SAP30BP: variants seen among roughly 807,000 people sequenced by gnomAD.
The protein encoded by SAP30BP is SAP30 binding protein.
Under a neutral mutation model 46.3 loss-of-function variants are expected in SAP30BP, and 31 were observed. The ratio of observed to expected loss-of-function variants is 0.67; its 90% CI spans 0.50 to 0.90. The LOEUF (loss-of-function observed/expected upper bound fraction) is 0.90, where lower values mean the gene tolerates loss of function less well. SAP30BP is among the 40% of genes least tolerant of loss of function. The probability of loss-of-function intolerance (pLI) is 0.00; values close to 1 mark genes in which losing one functional copy is unlikely to be tolerated. For missense variants in SAP30BP, 312 were observed against 391.0 expected, an observed-to-expected ratio of 0.80 and a Z score of 1.70; for synonymous variants, 169 against 144.2, an observed-to-expected ratio of 1.17 and a Z score of -1.23.
At chr17:75,696,709 T>A (rs2060325348) in intron 4 of SAP30BP, among the ~76,000 whole-genome samples, 3 of 151,688 alleles carry the variant, frequency 2.0e-5, no homozygotes, top group Non-Finnish European at 4.4e-5. Context: ...TATTTGCCAG[T>A]TACTTCCTAG....
chr17:75,677,169 A>G (rs1340672221), intron 3 of SAP30BP, among the ~76,000 whole-genome samples: 2 of 146,250 alleles, frequency 1.4e-5, no homozygotes, highest in East Asian at 2.0e-4. Context: ...GCAGTGGCAC[A>G]ATCTCGGCTC....
At chr17:75,703,237 C>T (rs915634723) in intron 6 of SAP30BP, 74 bp from the exon 7 acceptor site, 13 of 1,410,694 alleles carry the variant, frequency 9.2e-6, no homozygotes, top group South Asian at 1.2e-5. Flanking sequence ...GTGTCAGCCC[C>T]AGGAGCTGGA....
chr17:75,672,923 A>G (rs2059928332), intron 3 of SAP30BP, among the ~76,000 whole-genome samples: 1 of 152,062 alleles, frequency 6.6e-6, no homozygotes, highest in Admixed American at 6.6e-5. Context: ...ATGATCTGCC[A>G]ATGCACTCCA....
intron 2 of SAP30BP, among the ~76,000 whole-genome samples, chr17:75,670,201 A>G (rs1052392373): frequency 2.6e-5 from 4 of 152,130 alleles, no homozygotes; most frequent in Non-Finnish European, 4.4e-5. Flanking sequence ...ACGCACCTGT[A>G]GTCCCACCTA....
At chr17:75,691,421 C>T (rs537721581) in intron 3 of SAP30BP, 1 of 456,686 alleles carries the variant, frequency 2.2e-6, no homozygotes, top group East Asian at 6.9e-5. Context: ...CTCAGCTGAG[C>T]CTGGCAGCAC....
intron 3 of SAP30BP, chr17:75,679,667 T>G (rs1251486584): frequency 6.6e-6 from 1 of 152,186 alleles, no homozygotes; most frequent in Non-Finnish European, 1.5e-5. Context: ...AACAGGAGAT[T>G]GGAGAAGGAG....
chr17:75,704,513 T>A (rs73995984), intron 8 of SAP30BP, among the ~76,000 whole-genome samples: 6,112 of 152,262 alleles, frequency 0.04, 152 homozygotes, highest in Admixed American at 0.048. Flanking sequence ...TGTGTGGCAG[T>A]CCACAGGAGC....
At chr17:75,692,583 G>A (rs184912553) in intron 3 of SAP30BP, 9 of 881,452 alleles carry the variant, frequency 1.0e-5, no homozygotes, top group African/African-American at 9.0e-5. Flanking sequence ...GACTTGTGAC[G>A]GAGGGCTTGG....
chr17:75,706,325 C>G lies in SAP30BP; in HGVS notation c.746-15C>G. The G allele has an allele frequency of 2.5e-6, 4 of 1,610,692 alleles. No individual in the cohort carries two copies. The highest frequency in any genetic ancestry group is 1.7e-4 in the Middle Eastern group (1 of 6,060). On this transcript the variant is annotated splice_polypyrimidine_tract_variant and intron_variant, in intron 10 of 10. Transcript: ENST00000584667. The surrounding 1 kb of genome is among the most constrained non-coding windows in gnomAD (Gnocchi z 4.6). ...CATTGGTGGATCGTGATCCTGATTTCTGCTTTATCTCCAGATGCTCAGAAG... is the reference window on the plus strand; with the variant it reads ...CATTGGTGGATCGTGATCCTGATTTGTGCTTTATCTCCAGATGCTCAGAAG...
At chr17:75,671,040 G>A (rs1045683623) in intron 2 of SAP30BP, among the ~76,000 whole-genome samples, 9 of 152,194 alleles carry the variant, frequency 5.9e-5, no homozygotes, top group African/African-American at 1.9e-4. Flanking sequence ...TAGCATCAGC[G>A]TTAGCGTTCA....
At chr17:75,705,543 G>A (rs2060483100) in intron 9 of SAP30BP, 1 of 854,108 alleles carries the variant, frequency 1.2e-6, no homozygotes. Context: ...GGATAGTTGG[G>A]GTTTCTCATT....
At chr17:75,687,089 GA>G (rs1389662585) in intron 3 of SAP30BP, among the ~76,000 whole-genome samples, 1 of 152,162 alleles carries the variant, frequency 6.6e-6, no homozygotes. Flanking sequence ...TGATGGTTAA[GA>G]GCACAGTTTC....
chr17:75,680,772 G>A (rs886388899), intron 3 of SAP30BP, among the ~76,000 whole-genome samples: 1 of 152,218 alleles, frequency 6.6e-6, no homozygotes, highest in East Asian at 1.9e-4. Flanking sequence ...GGTAGCTCAA[G>A]CCTGTAATCC....
Position 75,671,825 on chromosome 17 carries a change from G to T in SAP30BP, c.226G>T (p.Asp76Tyr), listed in dbSNP as rs374805218. ...DENSRQSEDD[D>Y]SETEKPEADD... Reference sequence around the variant, plus strand: ...ATTCTTTGTCTTGTAGGAAGATGACGATTCAGAGACTGAAAAACCTGAGGC... The same window carrying T: ...ATTCTTTGTCTTGTAGGAAGATGACTATTCAGAGACTGAAAAACCTGAGGC... The change falls in exon 3 of 11, where the codon GAT (aspartate) becomes TAT (tyrosine). Residue 76 changes from aspartate (D) to tyrosine (Y), a missense_variant. By Grantham distance (160) the Asp-to-Tyr change is radical. Coordinates refer to ENST00000584667, the MANE Select transcript of SAP30BP (RefSeq NM_013260.8). The T allele has an allele frequency of 1.2e-6, 2 of 1,613,218 alleles. No homozygotes were observed. Among genetic ancestry groups the T allele is most frequent in the South Asian group, 1.1e-5 (1 of 91,054 alleles).
At chr17:75,695,518 G>T (rs758305942) in intron 4 of SAP30BP, among the ~76,000 whole-genome samples, 2 of 152,180 alleles carry the variant, frequency 1.3e-5, no homozygotes, top group Non-Finnish European at 2.9e-5. Context: ...ATTCACCCAT[G>T]AGGACACAAA....
intron 4 of SAP30BP, among the ~76,000 whole-genome samples, chr17:75,694,194 G>A (rs1237322260): frequency 6.6e-6 from 1 of 152,014 alleles, no homozygotes; most frequent in Non-Finnish European, 1.5e-5. Flanking sequence ...CCTGCCTCCT[G>A]CGGTCTTGCC....
chr17:75,687,617 G>GGA (rs2060175989), intron 3 of SAP30BP, among the ~76,000 whole-genome samples: 2 of 144,182 alleles, frequency 1.4e-5, no homozygotes, highest in South Asian at 4.3e-4. Context: ...CCCTGTCTCA[G>GGA]GAAAAAAAAA....
rs773729786 is a variant in SAP30BP at position 75,706,129 on chromosome 17, A to G, written c.745+37A>G. 1 of 1,595,398 alleles carries G rather than the reference A, an allele frequency of 6.3e-7. No individual in the cohort carries two copies. The highest frequency in any genetic ancestry group is 1.1e-5 in the South Asian group (1 of 89,674). On this transcript the variant is annotated intron_variant, in intron 10 of 10. Coordinates refer to ENST00000584667, the MANE Select transcript of SAP30BP (RefSeq NM_013260.8). The surrounding 1 kb of genome is among the most constrained non-coding windows in gnomAD (Gnocchi z 4.6). ...AGCTGCCCTGCCTCCTGCCACACAC[A>G]TGGAGCCAGGGTCTCCCTGGCTTGT...
intron 5 of SAP30BP, chr17:75,700,111 T>TG: frequency 3.0e-6 from 1 of 331,080 alleles, no homozygotes; most frequent in East Asian, 5.1e-5. Flanking sequence ...GGCCCTGTCT[T>TG]GCCTTCAGTG....
Sources: gnomAD v4.1 joint callset for allele counts (sites outside exome capture counted in the v4.1 genomes callset) on GRCh38, gnomAD v4.1.1 for gene constraint, Gnocchi (gnomAD v3.1) non-coding constraint, MANE v1.5 for transcripts, NCBI Gene and HGNC (gene_info 2026-07-23, HGNC 2026-07-21) for gene names.